Variants in SIRPG observed in about 807,000 individuals in gnomAD.
SIRPG encodes the protein signal-regulatory protein gamma.
In SIRPG, 38 loss-of-function variants were observed where a neutral mutation model predicts 35.7. The ratio of observed to expected loss-of-function variants is 1.06; its 90% CI spans 0.82 to 1.40. SIRPG has a LOEUF of 1.40. Ranked by LOEUF, SIRPG falls within the 40% of genes most tolerant of loss-of-function variation. SIRPG has a pLI of 0.00. For synonymous variants in SIRPG, 215 were observed against 190.4 expected (o/e 1.13, Z -1.06); for missense variants, 519 against 483.0 (o/e 1.07, Z -0.70).
chr20:1,650,002 G>GTATATATATATATATATA (rs200260253), intron 1 of SIRPG, among the ~76,000 whole-genome samples: 1,707 of 80,692 alleles, frequency 0.021, 28 homozygotes, highest in Admixed American at 0.059. Flanking sequence ...ACTTTGAAGT[G>GTATATATATATATATATA]TGTATATATA....
chr20:1,659,866 A>C (rs1023141398), upstream of SIRPG, among the ~76,000 whole-genome samples: 1 of 152,222 alleles, frequency 6.6e-6, no homozygotes, highest in African/African-American at 2.4e-5. Context: ...GGCCCTGACA[A>C]CCCATGATCA....
At chr20:1,642,326 CCTT>C (rs1487735539) in intron 2 of SIRPG, among the ~76,000 whole-genome samples, 1 of 152,138 alleles carries the variant, frequency 6.6e-6, no homozygotes, top group East Asian at 1.9e-4. Flanking sequence ...TAGGTAATGC[CCTT>C]CTTTGTCTTT....
At chr20:1,668,076 C>G in the SIRPG span, among the ~76,000 whole-genome samples, 2 of 152,180 alleles carry the variant, frequency 1.3e-5, no homozygotes, top group South Asian at 2.1e-4. Flanking sequence ...TTTAATACTT[C>G]TGAAAATATA....
At chr20:1,634,948 C>G (rs1359493664) in intron 4 of SIRPG, among the ~76,000 whole-genome samples, 1 of 151,410 alleles carries the variant, frequency 6.6e-6, no homozygotes, top group Non-Finnish European at 1.5e-5. Context: ...GAGGCTGAGA[C>G]AGGAGAATGG....
chr20:1,650,266 T>C (rs2091932616), intron 1 of SIRPG, among the ~76,000 whole-genome samples: 1 of 151,874 alleles, frequency 6.6e-6, no homozygotes, highest in South Asian at 2.1e-4. Context: ...CCTTCTGATA[T>C]GTTGGGTGCA....
chr20:1,656,840 A>G (rs1476666585), intron 1 of SIRPG, among the ~76,000 whole-genome samples: 1 of 152,166 alleles, frequency 6.6e-6, no homozygotes, highest in Non-Finnish European at 1.5e-5. Flanking sequence ...CCATATTTGG[A>G]GACAAGGTCT....
intron 2 of SIRPG, chr20:1,637,141 G>GCT: frequency 5.7e-6 from 1 of 174,296 alleles, no homozygotes; most frequent in Non-Finnish European, 1.3e-5. Context: ...TATACCTAGA[G>GCT]CTCTCTCTCT....
chr20:1,686,229 C>G, the SIRPG span, among the ~76,000 whole-genome samples: 2 of 152,084 alleles, frequency 1.3e-5, no homozygotes, highest in Non-Finnish European at 2.9e-5. Context: ...CCTTGACCTA[C>G]CTTGGGAGCA....
intron 4 of SIRPG, among the ~76,000 whole-genome samples, chr20:1,631,121 A>G (rs2091746658): frequency 6.6e-6 from 1 of 152,164 alleles, no homozygotes. Flanking sequence ...AGGCTTTTAA[A>G]ATCAACATTT....
chr20:1,652,308 T>C (rs2091945138), intron 1 of SIRPG, among the ~76,000 whole-genome samples: 1 of 152,232 alleles, frequency 6.6e-6, no homozygotes, highest in Admixed American at 6.5e-5. Flanking sequence ...CACAGGCCAG[T>C]CCCTGCTCAT....
At chr20:1,669,277 A>C in the SIRPG span, among the ~76,000 whole-genome samples, 1 of 152,194 alleles carries the variant, frequency 6.6e-6, no homozygotes, top group African/African-American at 2.4e-5. Context: ...AACATCTCTC[A>C]TTGTTCCTCA....
At chr20:1,660,930 C>T (rs1280676319), upstream of SIRPG, among the ~76,000 whole-genome samples, 1 of 152,278 alleles carries the variant, frequency 6.6e-6, no homozygotes, top group East Asian at 1.9e-4. Flanking sequence ...CCTGGGGTCA[C>T]TATTAACTTC....
At chr20:1,650,122 T>C (rs192141721) in intron 1 of SIRPG, among the ~76,000 whole-genome samples, 8 of 150,876 alleles carry the variant, frequency 5.3e-5, no homozygotes, top group Non-Finnish European at 7.4e-5. Context: ...CAGGCTAGTT[T>C]TTGCCTTTCC....
At position 1,656,759 on chromosome 20, in the gene SIRPG, C is replaced by T. The variant is rs148458454; in HGVS notation, c.73+883G>A. Among the ~76,000 whole-genome samples, 1,130 of 152,268 alleles carry T rather than the reference C, an allele frequency of 7.4e-3. 15 individuals are homozygous for T. The highest frequency in any genetic ancestry group is 0.026 in the African/African-American group (1,072 of 41,534). On this transcript the variant is annotated intron_variant, in intron 1 of 5. Coordinates refer to ENST00000303415, the MANE Select transcript of SIRPG (RefSeq NM_018556.4). ...AAGATGACCAAGGGAGATGGTGGTG[C>T]CTGTTATGGGCTGAATGTGCCCCCA... is the stretch of plus-strand genomic sequence containing the variant.
chr20:1,650,985 C>T (rs2091936890), intron 1 of SIRPG, among the ~76,000 whole-genome samples: 1 of 152,096 alleles, frequency 6.6e-6, no homozygotes, highest in Admixed American at 6.5e-5. Flanking sequence ...AGAGGAAAAA[C>T]CTGTCAACCA....
intron 4 of SIRPG, among the ~76,000 whole-genome samples, chr20:1,634,828 G>A (rs2091780431): frequency 6.6e-6 from 1 of 151,810 alleles, no homozygotes; most frequent in Admixed American, 6.6e-5. Context: ...CGGATCACGA[G>A]GTCAGGAGAT....
chr20:1,671,014 T>C, the SIRPG span: 51,208 of 380,790 alleles, frequency 0.13, 4,161 homozygotes, highest in Non-Finnish European at 0.16. Context: ...GCAGGTGCTA[T>C]AGGGCATACT....
intron 3 of SIRPG, among the ~76,000 whole-genome samples, 180 bp downstream of exon 3, chr20:1,636,008 C>G (rs760061867): frequency 6.6e-6 from 1 of 152,190 alleles, no homozygotes; most frequent in South Asian, 2.1e-4. Flanking sequence ...GATTGCTGGT[C>G]CCCTGACCGC....
the SIRPG span, among the ~76,000 whole-genome samples, chr20:1,668,165 C>CTTTCTTTCTTTCTTTCT: frequency 9.8e-6 from 1 of 102,200 alleles, no homozygotes; most frequent in African/African-American, 3.5e-5. Flanking sequence ...CTTTTCTTTT[C>CTTTCTTTCTTTCTTTCT]TTTTCTTTTC....
Sources: gnomAD v4.1 joint callset for allele counts (sites outside exome capture counted in the v4.1 genomes callset) on GRCh38, gnomAD v4.1.1 for gene constraint, MANE v1.5 for transcripts, NCBI Gene and HGNC (gene_info 2026-07-23, HGNC 2026-07-21) for gene names.